Variants in NXPE4 observed in about 807,000 individuals in gnomAD.
The protein encoded by NXPE4 is neurexophilin and PC-esterase domain family member 4.
A neutral mutation model predicts 33.3 loss-of-function variants in NXPE4; 42 were observed. The observed-to-expected ratio is 1.26, with a 90% CI of 0.98 to 1.63. The LOEUF (loss-of-function observed/expected upper bound fraction) is 1.63. Among genes scored for constraint, NXPE4 ranks in the 40% most tolerant of loss-of-function variants. The pLI is 0.00. For synonymous variants in NXPE4, 253 were observed against 234.9 expected (o/e 1.08, Z -0.71); for missense variants, 709 against 647.6 (o/e 1.09, Z -1.03).
At chr11:114,576,962 A>G (rs981793021) in intron 5 of NXPE4, among the ~76,000 whole-genome samples, 3 of 145,948 alleles carry the variant, frequency 2.1e-5, no homozygotes, top group African/African-American at 7.5e-5. Flanking sequence ...CAATGAGTGG[A>G]TAAAGAAGAT....
At chr11:114,609,112 A>G in the NXPE4 span, among the ~76,000 whole-genome samples, 4 of 152,128 alleles carry the variant, frequency 2.6e-5, no homozygotes, top group African/African-American at 9.6e-5. Flanking sequence ...ATGGGTAGCT[A>G]CTGTTACCCG....
chr11:114,571,522 A>T lies in NXPE4; in HGVS notation c.1100-49T>A. The T allele has an allele frequency of 2.1e-6, 3 of 1,439,742 alleles. No homozygotes were observed. In the South Asian group the frequency reaches 4.1e-5, roughly 19 times the overall value. 89.2% of individuals were successfully genotyped at this position (1,439,742 alleles called of 1,614,324 possible). On this transcript the variant is annotated intron_variant, in intron 5 of 5. Transcript: ENST00000375478. ...AAATAAAAGGAGGATATAGTTACCA[A>T]GATTGAGTAGATATAAAGATGGAAG...
the NXPE4 span, among the ~76,000 whole-genome samples, chr11:114,626,784 T>G: frequency 2.0e-5 from 3 of 152,094 alleles, no homozygotes; most frequent in Non-Finnish European, 2.9e-5. Flanking sequence ...AAATTTAGAA[T>G]AATGTATAAC....
the NXPE4 span, among the ~76,000 whole-genome samples, chr11:114,601,896 T>TACAA: frequency 2.5e-5 from 1 of 40,530 alleles, no homozygotes; most frequent in Non-Finnish European, 5.3e-5. Flanking sequence ...ATATATTATA[T>TACAA]TTATATATAT....
chr11:114,609,415 C>G, the NXPE4 span, among the ~76,000 whole-genome samples: 1 of 151,662 alleles, frequency 6.6e-6, no homozygotes, highest in Non-Finnish European at 1.5e-5. Flanking sequence ...CACTGTTACC[C>G]TGTGGATAAT....
the NXPE4 span, among the ~76,000 whole-genome samples, chr11:114,633,389 T>A: frequency 6.9e-6 from 1 of 145,078 alleles, no homozygotes; most frequent in Non-Finnish European, 1.5e-5. Context: ...TATTATATTA[T>A]ATATTATATA....
upstream of NXPE4, among the ~76,000 whole-genome samples, chr11:114,596,841 G>A (rs544054426): frequency 6.6e-6 from 1 of 152,220 alleles, no homozygotes; most frequent in African/African-American, 2.4e-5. Context: ...GAAATCTAAT[G>A]TTAACCTGGA....
At chr11:114,596,456 T>G (rs2135309131), upstream of NXPE4, among the ~76,000 whole-genome samples, 1 of 152,270 alleles carries the variant, frequency 6.6e-6, no homozygotes, top group Middle Eastern at 3.4e-3. Context: ...TCCATCTTAT[T>G]TAAGCATGCC....
At chr11:114,635,220 G>T in the NXPE4 span, among the ~76,000 whole-genome samples, 3 of 149,946 alleles carry the variant, frequency 2.0e-5, no homozygotes, top group African/African-American at 7.4e-5. Flanking sequence ...TATTATCTTT[G>T]AAGCAATTGT....
At chr11:114,583,263 G>T (rs1368727206) in intron 2 of NXPE4, 6 of 661,122 alleles carry the variant, frequency 9.1e-6, no homozygotes, top group Non-Finnish European at 5.5e-6. Context: ...ATGGCGCAAA[G>T]GCAGGGCACC....
the NXPE4 span, among the ~76,000 whole-genome samples, chr11:114,626,177 G>C: frequency 6.6e-6 from 1 of 152,164 alleles, no homozygotes; most frequent in African/African-American, 2.4e-5. Context: ...GCCCACCACA[G>C]CTTAAGGAGG....
At chr11:114,667,404 A>G in the NXPE4 span, among the ~76,000 whole-genome samples, 116 of 152,294 alleles carry the variant, frequency 7.6e-4, no homozygotes, top group Admixed American at 2.4e-3. Flanking sequence ...TAATTCAGTT[A>G]GAGATTATCC....
At chr11:114,649,530 G>A in the NXPE4 span, among the ~76,000 whole-genome samples, 1 of 152,186 alleles carries the variant, frequency 6.6e-6, no homozygotes, top group Non-Finnish European at 1.5e-5. Flanking sequence ...GCCAGAAAAG[G>A]CAAAGCTATA....
chr11:114,592,801 A>G (rs1949489564), intron 2 of NXPE4, among the ~76,000 whole-genome samples: 1 of 152,204 alleles, frequency 6.6e-6, no homozygotes, highest in South Asian at 2.1e-4. Context: ...TATAGTAAAC[A>G]GTGTTATACT....
At chr11:114,654,530 T>C in the NXPE4 span, among the ~76,000 whole-genome samples, 1 of 152,060 alleles carries the variant, frequency 6.6e-6, no homozygotes, top group Admixed American at 6.6e-5. Flanking sequence ...TGTCCATGTG[T>C]TCTCAATGTT....
At chr11:114,606,819 A>T in the NXPE4 span, among the ~76,000 whole-genome samples, 6 of 151,742 alleles carry the variant, frequency 4.0e-5, no homozygotes, top group African/African-American at 1.2e-4. Flanking sequence ...AACCACTGTT[A>T]CCCAGTCGAT....
At chr11:114,612,408 C>G in the NXPE4 span, among the ~76,000 whole-genome samples, 2 of 151,908 alleles carry the variant, frequency 1.3e-5, no homozygotes, top group Non-Finnish European at 1.5e-5. Flanking sequence ...ACCACTGTTA[C>G]CCGGTGGATA....
At chr11:114,643,263 A>G in the NXPE4 span, among the ~76,000 whole-genome samples, 1 of 152,118 alleles carries the variant, frequency 6.6e-6, no homozygotes, top group East Asian at 1.9e-4. Flanking sequence ...TAGTTTAATT[A>G]GATCCCATTT....
intron 5 of NXPE4, among the ~76,000 whole-genome samples, chr11:114,574,496 A>T (rs1002456021): frequency 5.3e-5 from 8 of 152,272 alleles, no homozygotes; most frequent in Admixed American, 5.2e-4. Context: ...AAATAAGCTC[A>T]ATTAGAAATA....
Sources: allele counts gnomAD v4.1 joint callset (sites outside exome capture counted in the v4.1 genomes callset), GRCh38; gene constraint gnomAD v4.1.1; transcripts MANE v1.5; gene names NCBI Gene and HGNC (gene_info 2026-07-23, HGNC 2026-07-21).